Variants in EPB41 observed in about 807,000 individuals in gnomAD.
The protein encoded by EPB41 is protein 4.1.
A neutral mutation model predicts 108.0 loss-of-function variants in EPB41; 65 were observed. That is an observed-to-expected ratio of 0.60 (90% confidence interval 0.49 to 0.74). The LOEUF (loss-of-function observed/expected upper bound fraction) is 0.74. Ranked by LOEUF, EPB41 falls within the 30% of genes least tolerant of loss-of-function variation. The pLI is 0.00. For missense variants in EPB41, 875 were observed against 1,037.0 expected, an observed-to-expected ratio of 0.84 and a Z score of 2.15; for synonymous variants, 336 against 358.9, an observed-to-expected ratio of 0.94 and a Z score of 0.72.
At chr1:28,897,448 C>G (rs1305259988) in intron 1 of EPB41, among the ~76,000 whole-genome samples, 1 of 151,738 alleles carries the variant, frequency 6.6e-6, no homozygotes. Flanking sequence ...ACTTGGGAGG[C>G]TGAGGTGGGA....
intron 10 of EPB41, among the ~76,000 whole-genome samples, chr1:29,037,473 T>C (rs2486200): frequency 0.33 from 50,766 of 152,152 alleles, 10,450 homozygotes; most frequent in African/African-American, 0.58. Flanking sequence ...GGGAATATAC[T>C]ACAAGATAGT....
intron 1 of EPB41, among the ~76,000 whole-genome samples, chr1:28,978,192 G>GC (rs1292227122): frequency 6.6e-6 from 1 of 151,202 alleles, no homozygotes; most frequent in Non-Finnish European, 1.5e-5. Context: ...TGTTCGGCTT[G>GC]TTTTTTACAT....
chr1:29,038,995 C>T (rs1640518113), intron 10 of EPB41, among the ~76,000 whole-genome samples: 1 of 152,064 alleles, frequency 6.6e-6, no homozygotes, highest in African/African-American at 2.4e-5. Flanking sequence ...AAAAATACTG[C>T]AGTGCTGTAA....
At chr1:28,989,476 A>G in intron 2 of EPB41, 2 of 778,062 alleles carry the variant, frequency 2.6e-6, no homozygotes, top group Non-Finnish European at 3.1e-6. Context: ...GGGGGAAAAA[A>G]GTAAAAGTCC....
chr1:28,948,701 A>G (rs1456536377), intron 1 of EPB41, among the ~76,000 whole-genome samples: 1 of 152,096 alleles, frequency 6.6e-6, no homozygotes, highest in Non-Finnish European at 1.5e-5. Flanking sequence ...CTGTAATCCT[A>G]GCACTTTGGG....
intron 1 of EPB41, among the ~76,000 whole-genome samples, chr1:28,970,094 C>T (rs574680986): frequency 2.8e-4 from 43 of 152,218 alleles, no homozygotes; most frequent in Non-Finnish European, 4.9e-4. Flanking sequence ...CAGCAAATAG[C>T]GGATTATTTG....
At chr1:28,905,818 CTTTTT>C (rs573552880) in intron 1 of EPB41, among the ~76,000 whole-genome samples, 57 of 133,868 alleles carry the variant, frequency 4.3e-4, no homozygotes, top group African/African-American at 1.5e-3. Flanking sequence ...TTCTTTCTTT[CTTTTT>C]TTTTTTTTTT....
chr1:29,115,563 G>C lies in EPB41; in HGVS notation c.2497-136G>C. On this transcript the variant is annotated intron_variant, in intron 19 of 20. Coordinates refer to ENST00000343067, the MANE Select transcript of EPB41 (RefSeq NM_001376013.1). This position sits in a 1 kb window ranked among gnomAD's most constrained non-coding sequence, Gnocchi z 4.4. The stretch of plus-strand genomic sequence containing the variant: ...GGGTGGGTAAGGTAATTATCAGCTT[G>C]GCTTAGCCTAAAGCTGCCCTGGTAC... 2.2e-5 allele frequency: 16 copies of C among 736,798 alleles called. No individual in the cohort carries two copies. The highest frequency in any genetic ancestry group is 2.1e-4 in the South Asian group (14 of 65,764). 45.6% of individuals were successfully genotyped at this position (736,798 alleles called of 1,614,324 possible). A position where few individuals can be genotyped will look rare whatever the true frequency, so the allele number is the denominator to read the frequency against.
intron 1 of EPB41, among the ~76,000 whole-genome samples, chr1:28,901,054 T>G (rs185777958): frequency 6.6e-6 from 1 of 151,766 alleles, no homozygotes; most frequent in Non-Finnish European, 1.5e-5. Flanking sequence ...CTCAGCCTCC[T>G]GAGTAGCTGG....
chr1:29,111,887 G>C (rs1278224587), intron 18 of EPB41, among the ~76,000 whole-genome samples: 1 of 150,330 alleles, frequency 6.7e-6, no homozygotes, highest in Non-Finnish European at 1.5e-5. Context: ...TGAGGCAGGA[G>C]AATTGCTTGA....
intron 16 of EPB41, chr1:29,068,926 C>T: frequency 1.4e-6 from 1 of 738,508 alleles, no homozygotes; most frequent in Non-Finnish European, 1.9e-6. Flanking sequence ...ACACCCACAG[C>T]CTTTCGGCCT....
chr1:29,072,879 G>A (rs1162248102), intron 16 of EPB41: 2 of 152,258 alleles, frequency 1.3e-5, no homozygotes, highest in East Asian at 3.8e-4. Context: ...GGGAGGCTGA[G>A]GCGGGCAGAT....
chr1:28,887,954 T>C lies in EPB41; in HGVS notation c.-8+744T>C, dbSNP rs1402915988. 1.3e-5 allele frequency among the ~76,000 whole-genome samples: 2 copies of C among 152,220 alleles called. No homozygotes were observed. Among genetic ancestry groups the C allele is most frequent in the Non-Finnish European group, 2.9e-5 (2 of 68,038 alleles). ...GCTGTCTTTTCCTGTCTCTGTCCTC[T>C]GTCTTTCCTCAAGAATTGTCTCGCC... On this transcript the variant is annotated intron_variant, in intron 1 of 16. Coordinates refer to the EPB41 transcript ENST00000347529. The surrounding 1 kb of genome is among the most constrained non-coding windows in gnomAD (Gnocchi z 4.9).
At chr1:28,903,932 T>A (rs1042319688) in intron 1 of EPB41, among the ~76,000 whole-genome samples, 3 of 151,870 alleles carry the variant, frequency 2.0e-5, no homozygotes, top group Non-Finnish European at 4.4e-5. Context: ...AGTGGTGTGA[T>A]CTTGGCTCAC....
intron 1 of EPB41, among the ~76,000 whole-genome samples, chr1:28,929,747 T>A (rs1445843756): frequency 6.8e-6 from 1 of 147,156 alleles, no homozygotes; most frequent in East Asian, 2.0e-4. Flanking sequence ...GTCAGGCGGC[T>A]AGTCTCGAAC....
At chr1:29,035,972 TTC>T in intron 10 of EPB41, 49 bp downstream of exon 10, 1 of 1,429,310 alleles carries the variant, frequency 7.0e-7, no homozygotes, top group Non-Finnish European at 9.8e-7. Flanking sequence ...TTTATAACGT[TTC>T]TATTTTAAGC....
chr1:28,901,681 C>T (rs2091336194), intron 1 of EPB41, among the ~76,000 whole-genome samples: 1 of 151,738 alleles, frequency 6.6e-6, no homozygotes, highest in South Asian at 2.1e-4. Flanking sequence ...TTACAGGCAC[C>T]CGCCACCACG....
chr1:29,062,610 C>G lies in EPB41; in HGVS notation c.2007+2126C>G, dbSNP rs545726700. On this transcript the variant is annotated intron_variant, in intron 15 of 20. Transcript: ENST00000343067. ...GCCATCATTCTTTAGAAGTTTTTTCCCCTGTAAGGAAGTTCTCTCAAGTTA... is the reference window on the plus strand; with the variant it reads ...GCCATCATTCTTTAGAAGTTTTTTCGCCTGTAAGGAAGTTCTCTCAAGTTA... Among the ~76,000 whole-genome samples, 58 of 151,938 alleles carry G rather than the reference C, an allele frequency of 3.8e-4. 1 individual carries two copies. In the South Asian group the frequency reaches 0.012, roughly 31 times the overall value.
chr1:28,936,382 G>A (rs2094026738), intron 1 of EPB41, among the ~76,000 whole-genome samples: 1 of 145,744 alleles, frequency 6.9e-6, no homozygotes, highest in African/African-American at 2.6e-5. Flanking sequence ...GCTGCTTCAT[G>A]CCCTATCCCC....
Sources: gnomAD v4.1 joint callset for allele counts (sites outside exome capture counted in the v4.1 genomes callset) on GRCh38, gnomAD v4.1.1 for gene constraint, Gnocchi (gnomAD v3.1) non-coding constraint, MANE v1.5 for transcripts, NCBI Gene and HGNC (gene_info 2026-07-23, HGNC 2026-07-21) for gene names.